Variants in OSBPL10 observed in about 807,000 individuals in gnomAD.
OSBPL10 encodes oxysterol-binding protein-related protein 10.
Under a neutral mutation model 81.7 loss-of-function variants are expected in OSBPL10, and 49 were observed. That is an observed-to-expected ratio of 0.60 (90% CI 0.48 to 0.76). OSBPL10 has a LOEUF of 0.76. OSBPL10 is among the 30% of genes least tolerant of loss of function. The pLI is 0.00. For synonymous variants in OSBPL10, 419 were observed against 383.6 expected (o/e 1.09, Z -1.08); for missense variants, 923 against 987.8 (o/e 0.93, Z 0.88).
intron 4 of OSBPL10, among the ~76,000 whole-genome samples, chr3:31,810,694 T>C (rs1699658782): frequency 6.6e-6 from 1 of 152,214 alleles, no homozygotes; most frequent in Non-Finnish European, 1.5e-5. Flanking sequence ...GAAGTGATGC[T>C]CAATCTCACT....
At chr3:31,965,588 A>AATTATAT (rs1436561258) in intron 1 of OSBPL10, among the ~76,000 whole-genome samples, 1 of 80,848 alleles carries the variant, frequency 1.2e-5, no homozygotes. Context: ...ATATTATATA[A>AATTATAT]ATTATATATT....
intron 1 of OSBPL10, among the ~76,000 whole-genome samples, chr3:32,048,310 A>AT (rs71068027): frequency 0.097 from 13,094 of 134,390 alleles, 1,005 homozygotes; most frequent in African/African-American, 0.2. Flanking sequence ...CACTACTACT[A>AT]TTTTTTTTTT....
chr3:31,959,285 A>C (rs1008241491), intron 1 of OSBPL10, among the ~76,000 whole-genome samples: 1 of 152,210 alleles, frequency 6.6e-6, no homozygotes, highest in African/African-American at 2.4e-5. Flanking sequence ...GCAGCACTAT[A>C]AACAGTGTAC....
rs138000211 is a variant in OSBPL10, at chr3:32,000,602, G to C, written n.298+45889C>G. ...TTCTATAACATCTGTGCGAAATTGCGGGGCTGTTCTCAGCACGGTTTGTCA... is the reference window on the plus strand; with the variant it reads ...TTCTATAACATCTGTGCGAAATTGCCGGGCTGTTCTCAGCACGGTTTGTCA... On this transcript the variant is annotated intron_variant and non_coding_transcript_variant, in intron 2 of 3. Transcript: ENST00000479173. Among the ~76,000 whole-genome samples, 354 of 152,246 alleles carry C rather than the reference G, an allele frequency of 2.3e-3. 1 individual carries two copies. The highest frequency in any genetic ancestry group is 8.1e-3 in the African/African-American group (335 of 41,554).
intron 2 of OSBPL10, among the ~76,000 whole-genome samples, chr3:32,018,309 A>G (rs1202326576): frequency 6.6e-6 from 1 of 152,174 alleles, no homozygotes; most frequent in Non-Finnish European, 1.5e-5. Flanking sequence ...TGGTGCAATG[A>G]TAGACGAGAT....
At chr3:31,926,137 C>T (rs1697066293) in intron 1 of OSBPL10, among the ~76,000 whole-genome samples, 1 of 152,094 alleles carries the variant, frequency 6.6e-6, no homozygotes, top group Non-Finnish European at 1.5e-5. Context: ...GGGATGTTTC[C>T]TCTGTATACT....
intron 1 of OSBPL10, among the ~76,000 whole-genome samples, chr3:31,952,229 G>A (rs1306842126): frequency 6.6e-6 from 1 of 151,578 alleles, no homozygotes; most frequent in Non-Finnish European, 1.5e-5. Flanking sequence ...CACATTAGGT[G>A]GATTAAGAAA....
At chr3:32,075,430 T>G (rs559214508) in intron 1 of OSBPL10, among the ~76,000 whole-genome samples, 24 of 152,200 alleles carry the variant, frequency 1.6e-4, no homozygotes, top group Non-Finnish European at 3.1e-4. Context: ...TCCTGGGTAC[T>G]CCCAACTCTT....
intron 1 of OSBPL10, among the ~76,000 whole-genome samples, chr3:31,926,266 G>T (rs901374032): frequency 1.4e-5 from 2 of 143,436 alleles, no homozygotes; most frequent in Non-Finnish European, 3.0e-5. Context: ...ATAAACCGGT[G>T]GTTCTCAACC....
intron 6 of OSBPL10, among the ~76,000 whole-genome samples, chr3:31,715,204 A>G (rs1696395375): frequency 6.6e-6 from 1 of 152,196 alleles, no homozygotes; most frequent in Non-Finnish European, 1.5e-5. Context: ...AAAATAATTA[A>G]AATTAAACAC....
intron 1 of OSBPL10, among the ~76,000 whole-genome samples, chr3:31,959,624 T>C (rs78605188): frequency 0.019 from 2,954 of 152,276 alleles, 111 homozygotes; most frequent in African/African-American, 0.066. Context: ...CTTTGCTATA[T>C]AACAAAACAC....
At chr3:31,678,809 T>A (rs1360897210) in intron 8 of OSBPL10, among the ~76,000 whole-genome samples, 1 of 151,312 alleles carries the variant, frequency 6.6e-6, no homozygotes, top group Non-Finnish European at 1.5e-5. Context: ...TGTGTGTGTG[T>A]GTGTGTGTGT....
chr3:31,732,255 G>A (rs560299438), intron 6 of OSBPL10, among the ~76,000 whole-genome samples: 8 of 152,192 alleles, frequency 5.3e-5, no homozygotes, highest in East Asian at 1.9e-4. Context: ...TAAAGATGCC[G>A]ATGAAATATT....
At chr3:31,751,230 C>T (rs1045340784) in intron 4 of OSBPL10, among the ~76,000 whole-genome samples, 5 of 152,054 alleles carry the variant, frequency 3.3e-5, no homozygotes, top group Admixed American at 6.6e-5. Context: ...CACCTGTGGT[C>T]CTAGCTACTC....
In OSBPL10 at chr3:32,016,107, A is replaced by G. The variant is rs566287047; in HGVS notation, n.298+30384T>C. Among the ~76,000 whole-genome samples, 12 of 152,340 alleles carry G rather than the reference A, an allele frequency of 7.9e-5. No individual in the cohort carries two copies. In the South Asian group the frequency reaches 1.9e-3, roughly 24 times the overall value. On this transcript the variant is annotated intron_variant and non_coding_transcript_variant, in intron 2 of 3. Coordinates refer to the OSBPL10 transcript ENST00000479173. ...CATTCCATTACTGGGTATATACCCAAAGGATTATAAATCATGCTGCTATAG... is the reference window on the plus strand; with the variant it reads ...CATTCCATTACTGGGTATATACCCAGAGGATTATAAATCATGCTGCTATAG...
intron 4 of OSBPL10, among the ~76,000 whole-genome samples, chr3:31,800,581 T>C (rs952716392): frequency 6.6e-6 from 1 of 152,150 alleles, no homozygotes; most frequent in Non-Finnish European, 1.5e-5. Context: ...CCACACTCTC[T>C]CACTGAAAGC....
intron 2 of OSBPL10, chr3:31,990,925 C>A: frequency 6.4e-7 from 1 of 1,574,668 alleles, no homozygotes; most frequent in Non-Finnish European, 8.6e-7. Context: ...TCAGAGAATC[C>A]ATACCGGACA....
intron 10 of OSBPL10, among the ~76,000 whole-genome samples, chr3:31,667,652 T>C (rs1016162765): frequency 6.6e-6 from 1 of 152,234 alleles, no homozygotes; most frequent in Non-Finnish European, 1.5e-5. Context: ...AAAAATTTTC[T>C]GTAAAGGGCC....
At chr3:31,681,330 G>A (rs1017093939) in intron 8 of OSBPL10, among the ~76,000 whole-genome samples, 1 of 152,208 alleles carries the variant, frequency 6.6e-6, no homozygotes, top group East Asian at 1.9e-4. Flanking sequence ...GCAAGAGGGG[G>A]AGCAGCGCTT....
Sources: gnomAD v4.1 joint callset for allele counts (sites outside exome capture counted in the v4.1 genomes callset) on GRCh38, gnomAD v4.1.1 for gene constraint, MANE v1.5 for transcripts, NCBI Gene and HGNC (gene_info 2026-07-23, HGNC 2026-07-21) for gene names.